WSB2: variants seen among roughly 807,000 people sequenced by gnomAD.
WSB2 encodes the protein WD repeat and SOCS box-containing protein 2.
WSB2 carries 12 observed loss-of-function variants against 48.8 expected under a neutral mutation model. The observed-to-expected ratio is 0.25, with a 90% CI of 0.16 to 0.40. The LOEUF (loss-of-function observed/expected upper bound fraction) is 0.40, where lower values mean the gene tolerates loss of function less well. WSB2 is among the 10% of genes least tolerant of loss of function. The probability of loss-of-function intolerance (pLI) is 1.00; values close to 1 mark genes in which losing one functional copy is unlikely to be tolerated. For synonymous variants in WSB2, 191 were observed against 203.1 expected (o/e 0.94, Z 0.51); for missense variants, 317 against 506.2 (o/e 0.63, Z 3.59).
At chr12:118,035,188 C>T in intron 7 of WSB2, 26 bp downstream of exon 7, 1 of 1,613,684 alleles carries the variant, frequency 6.2e-7, no homozygotes, top group Non-Finnish European at 8.5e-7. Flanking sequence ...GTTCTGAGGC[C>T]ATGTAAAGAG....
At chr12:118,045,876 A>T (rs2031735568) in intron 2 of WSB2, among the ~76,000 whole-genome samples, 1 of 152,180 alleles carries the variant, frequency 6.6e-6, no homozygotes, top group Non-Finnish European at 1.5e-5. Context: ...CACCCCCGGT[A>T]ACCACCATTC....
At chr12:118,043,919 C>A (rs908087565) in intron 2 of WSB2, among the ~76,000 whole-genome samples, 2 of 151,846 alleles carry the variant, frequency 1.3e-5, no homozygotes, top group African/African-American at 2.4e-5. Context: ...GAATTCGAGA[C>A]CAGCCTGGCC....
At chr12:118,042,799 A>G (rs534682575) in intron 4 of WSB2, 42 bp downstream of exon 4, 11 of 1,597,650 alleles carry the variant, frequency 6.9e-6, no homozygotes, top group African/African-American at 1.3e-5. Context: ...AAGCAAATAC[A>G]GTATTTTTGG....
In WSB2 at chr12:118,060,714, G is replaced by A. The variant is rs991087616; in HGVS notation, c.13+322C>T. ...CCCCCTTGGGGATCTCCGTTTTAGG[G>A]CTTGGTGCCCCCCGCCCCGAGTCCC... On this transcript the variant is annotated intron_variant, in intron 1 of 8. Coordinates refer to ENST00000315436, the MANE Select transcript of WSB2 (RefSeq NM_018639.5). The surrounding 1 kb of genome is among the most constrained non-coding windows in gnomAD (Gnocchi z 4.1). 1.3e-5 allele frequency among the ~76,000 whole-genome samples: 2 copies of A among 152,056 alleles called. No individual in the cohort carries two copies. The highest frequency in any genetic ancestry group is 2.9e-5 in the Non-Finnish European group (2 of 67,952).
intron 1 of WSB2, among the ~76,000 whole-genome samples, chr12:118,052,834 C>A (rs1425767105): frequency 6.6e-6 from 1 of 152,148 alleles, no homozygotes; most frequent in African/African-American, 2.4e-5. Context: ...ATAGCAAGGC[C>A]TTCCAATGCA....
Position 118,038,373 on chromosome 12 carries a change from A to C in WSB2, c.575T>G (p.Val192Gly), listed in dbSNP as rs758801638. 6.2e-7 allele frequency: 1 copy of C among 1,614,094 alleles called. No individual in the cohort carries two copies. The highest frequency in any genetic ancestry group is 8.5e-7 in the Non-Finnish European group (1 of 1,180,014). ...DLNKHGKQIQVLSGHLQWVYC... is the reference protein window; with the variant it reads ...DLNKHGKQIQGLSGHLQWVYC... ...AACCCACTGCAGGTGGCCCGATAAC[A>C]CTTGAATCTGTTTACCTGGCAGGAA... The change falls in exon 5 of 9, where the codon GTG (valine) becomes GGG (glycine). Residue 192 changes from valine to glycine, a missense_variant. Val to Gly is a moderately radical substitution (Grantham distance 109). This residue lies in a region of WSB2 where 189 missense variants were observed against 349.6 expected (regional missense o/e 0.54). Coordinates refer to ENST00000315436, the MANE Select transcript of WSB2 (RefSeq NM_018639.5).
intron 1 of WSB2, among the ~76,000 whole-genome samples, chr12:118,056,543 GGGCAGGCAGTGAGTAAATATTTGTC>G (rs1296923423): frequency 6.6e-6 from 1 of 152,186 alleles, no homozygotes; most frequent in Non-Finnish European, 1.5e-5. Context: ...TCCTGGTGGA[GGGCAGGCAGTGAGTAAATATTTGTC>G]TAATAAATAC....
chr12:118,043,420 C>G, intron 2 of WSB2, 43 bp from the exon 3 acceptor site: 2 of 1,517,640 alleles, frequency 1.3e-6, no homozygotes, highest in Non-Finnish European at 1.8e-6. Flanking sequence ...CAATTGTTAC[C>G]AGTCTATCAA....
intron 8 of WSB2, chr12:118,034,713 T>C (rs1467841941): frequency 1.3e-5 from 7 of 523,688 alleles, no homozygotes; most frequent in Non-Finnish European, 2.0e-5. Context: ...TGGTTTCCCA[T>C]ATATTATGCA....
At chr12:118,062,035 G>T, upstream of WSB2, 2 of 1,478,324 alleles carry the variant, frequency 1.4e-6, no homozygotes, top group Non-Finnish European at 1.8e-6. Flanking sequence ...AACCGGAGTG[G>T]GGGTGGGAAC....
chr12:118,040,482 C>G (rs772560392), intron 4 of WSB2, among the ~76,000 whole-genome samples: 1 of 152,012 alleles, frequency 6.6e-6, no homozygotes, highest in African/African-American at 2.4e-5. Context: ...CACTGCCAGC[C>G]GAGCGTGGTA....
intron 3 of WSB2, 46 bp downstream of exon 3, chr12:118,043,087 T>C (rs1259679238): frequency 4.3e-6 from 7 of 1,613,878 alleles, no homozygotes; most frequent in Middle Eastern, 3.3e-4. Flanking sequence ...AGTCAGAACA[T>C]GCACCCGAGC....
chr12:118,056,852 G>T (rs2137799802), intron 1 of WSB2, among the ~76,000 whole-genome samples: 1 of 152,240 alleles, frequency 6.6e-6, no homozygotes, highest in South Asian at 2.1e-4. Flanking sequence ...AGTGAGCCAA[G>T]ATTGCACCAC....
chr12:118,061,715 G>C (rs1372200070), upstream of WSB2, among the ~76,000 whole-genome samples: 1 of 149,796 alleles, frequency 6.7e-6, no homozygotes, highest in East Asian at 2.0e-4. Flanking sequence ...GCGAAATCGA[G>C]GGGAGGGGCA....
In WSB2 at chr12:118,033,384, A is replaced by T. The variant is rs1181956528; in HGVS notation, c.*812T>A. 2.0e-5 allele frequency: 3 copies of T among 152,676 alleles called. No individual in the cohort carries two copies. Among genetic ancestry groups the T allele is most frequent in the African/African-American group, 7.2e-5 (3 of 41,474 alleles). The allele number at this position is 152,676 out of a possible 1,614,324, so 9.5% of individuals were successfully genotyped here. ...TGGTTTTTAGATAATCGAGAAAAACACAGTTGTACCTTAACATCTGTTGAG... is the reference window on the plus strand; with the variant it reads ...TGGTTTTTAGATAATCGAGAAAAACTCAGTTGTACCTTAACATCTGTTGAG... On this transcript the variant is annotated 3_prime_UTR_variant, in exon 9 of 9. Transcript: ENST00000315436.
At chr12:118,056,031 T>C (rs2031952188) in intron 1 of WSB2, among the ~76,000 whole-genome samples, 1 of 151,990 alleles carries the variant, frequency 6.6e-6, no homozygotes, top group Non-Finnish European at 1.5e-5. Context: ...CAGCATCATC[T>C]CCCGCCTGGC....
At position 118,052,292 on chromosome 12, in the gene WSB2, C is replaced by T. The variant is rs2031868575; in HGVS notation, c.182+18G>A. On this transcript the variant is annotated intron_variant, in intron 2 of 8. Transcript: ENST00000315436. The stretch of plus-strand genomic sequence containing the variant: ...TTTGGAAATGCGCCGGATGGGGCCC[C>T]AGTACGAGAATACTTACAACTGCTC... 1 of 1,608,418 alleles carries T rather than the reference C, an allele frequency of 6.2e-7. No individual in the cohort carries two copies. The highest frequency in any genetic ancestry group is 1.1e-5 in the South Asian group (1 of 91,018).
chr12:118,043,572 G>A (rs951829566), intron 2 of WSB2, among the ~76,000 whole-genome samples, 195 bp from the exon 3 acceptor site: 1 of 152,130 alleles, frequency 6.6e-6, no homozygotes, highest in African/African-American at 2.4e-5. Flanking sequence ...GATCCACCAA[G>A]TAGCTAGGAC....
At chr12:118,035,462 T>C (rs2031490082) in intron 6 of WSB2, 138 bp from the exon 7 acceptor site, 1 of 708,332 alleles carries the variant, frequency 1.4e-6, no homozygotes. Context: ...GTGGAAAAGC[T>C]TGGGATTTGC....
Sources: gnomAD v4.1 joint callset for allele counts (sites outside exome capture counted in the v4.1 genomes callset) on GRCh38, gnomAD v4.1.1 for gene constraint, gnomAD v4.1.1 regional missense constraint, Gnocchi (gnomAD v3.1) non-coding constraint, MANE v1.5 for transcripts, NCBI Gene and HGNC (gene_info 2026-07-23, HGNC 2026-07-21) for gene names.